Variants in CALN1 observed in about 807,000 individuals in gnomAD.
CALN1 encodes calcium-binding protein 8.
Under a neutral mutation model 30.6 loss-of-function variants are expected in CALN1, and 17 were observed. That is an observed-to-expected ratio of 0.56 (90% CI 0.38 to 0.83). The LOEUF is 0.83. Among genes scored for constraint, CALN1 ranks in the 40% least tolerant of loss-of-function variants. The probability of loss-of-function intolerance (pLI) is 0.00; values close to 1 mark genes in which losing one functional copy is unlikely to be tolerated. For synonymous variants in CALN1, 156 were observed against 131.4 expected, an observed-to-expected ratio of 1.19 and a Z score of -1.28; for missense variants, 291 against 354.9, an observed-to-expected ratio of 0.82 and a Z score of 1.45.
At chr7:72,198,492 C>T (rs1791193453) in intron 3 of CALN1, among the ~76,000 whole-genome samples, 1 of 152,184 alleles carries the variant, frequency 6.6e-6, no homozygotes, top group Non-Finnish European at 1.5e-5. Context: ...TTTGTCCTGA[C>T]ATCGAACTCT....
At chr7:72,236,519 C>T (rs1794483472) in intron 3 of CALN1, among the ~76,000 whole-genome samples, 1 of 152,194 alleles carries the variant, frequency 6.6e-6, no homozygotes, top group South Asian at 2.1e-4. Flanking sequence ...GAGATAGCAG[C>T]AAAGACCCAA....
intron 5 of CALN1, among the ~76,000 whole-genome samples, chr7:71,845,534 C>G (rs1790178894): frequency 6.6e-6 from 1 of 152,156 alleles, no homozygotes. Flanking sequence ...GCTGTTTGGC[C>G]TTATTGCAAG....
Position 72,341,729 on chromosome 7 carries a change from T to C in CALN1, c.119+61522A>G, listed in dbSNP as rs569280187. On this transcript the variant is annotated intron_variant, in intron 2 of 6. Transcript: ENST00000395275. Reference sequence around the variant, plus strand: ...AATCTCATTGCCCTCATCTATAAAATGGGGATAATCAGAGTGTCTATTCCA... The same window carrying C: ...AATCTCATTGCCCTCATCTATAAAACGGGGATAATCAGAGTGTCTATTCCA... Among the ~76,000 whole-genome samples the C allele has an allele frequency of 9.6e-4, 146 of 152,276 alleles. 1 individual carries two copies. Among genetic ancestry groups the C allele is most frequent in the African/African-American group, 3.4e-3 (141 of 41,556 alleles).
At chr7:72,306,651 GAA>G (rs1476518587) in intron 2 of CALN1, among the ~76,000 whole-genome samples, 3 of 150,310 alleles carry the variant, frequency 2.0e-5, no homozygotes, top group African/African-American at 7.3e-5. Context: ...AAAAAGAAAA[GAA>G]AAATAAAAAA....
At chr7:72,263,233 A>G (rs973380884) in intron 3 of CALN1, among the ~76,000 whole-genome samples, 2 of 152,230 alleles carry the variant, frequency 1.3e-5, no homozygotes, top group African/African-American at 4.8e-5. Context: ...TAGGAACAAT[A>G]ATAGGAATAG....
chr7:72,051,101 T>C (rs886792230), intron 4 of CALN1, among the ~76,000 whole-genome samples: 1 of 151,604 alleles, frequency 6.6e-6, no homozygotes, highest in Non-Finnish European at 1.5e-5. Context: ...AAGTTAGACT[T>C]AAAGGTAATA....
At chr7:72,098,019 G>A (rs1806367599) in intron 4 of CALN1, among the ~76,000 whole-genome samples, 1 of 152,150 alleles carries the variant, frequency 6.6e-6, no homozygotes, top group Admixed American at 6.6e-5. Flanking sequence ...CGGCCTTTAA[G>A]TGACTATTTT....
chr7:72,418,620 G>A (rs888885), intron 1 of CALN1, among the ~76,000 whole-genome samples: 51 of 151,688 alleles, frequency 3.4e-4, no homozygotes, highest in African/African-American at 1.1e-3. Flanking sequence ...TAGCTTCCCC[G>A]CCCCGGCTCA....
At chr7:72,402,677 AG>A (rs1282917854) in intron 2 of CALN1, among the ~76,000 whole-genome samples, 1 of 152,206 alleles carries the variant, frequency 6.6e-6, no homozygotes, top group East Asian at 1.9e-4. Flanking sequence ...GTGGCTTGGT[AG>A]CATAGAAAAC....
chr7:72,047,271 T>C (rs1022780791), intron 4 of CALN1, among the ~76,000 whole-genome samples: 1 of 152,080 alleles, frequency 6.6e-6, no homozygotes, highest in Non-Finnish European at 1.5e-5. Flanking sequence ...TGTCCACAAA[T>C]AGACATACGA....
At chr7:72,107,781 G>A (rs564483342) in intron 3 of CALN1, among the ~76,000 whole-genome samples, 10 of 152,144 alleles carry the variant, frequency 6.6e-5, no homozygotes, top group South Asian at 2.1e-4. Flanking sequence ...TTTCTATTCC[G>A]TGAGAAGCAC....
intron 2 of CALN1, among the ~76,000 whole-genome samples, chr7:72,291,421 C>G (rs547688360): frequency 1.3e-5 from 2 of 152,166 alleles, no homozygotes; most frequent in Non-Finnish European, 2.9e-5. Context: ...CACTGGAGTT[C>G]CAAGTTCACA....
At chr7:72,028,710 G>T (rs2129531362) in intron 4 of CALN1, among the ~76,000 whole-genome samples, 1 of 152,316 alleles carries the variant, frequency 6.6e-6, no homozygotes, top group South Asian at 2.1e-4. Flanking sequence ...AATGCATATT[G>T]GCCAGGCGCA....
intron 3 of CALN1, among the ~76,000 whole-genome samples, chr7:72,157,203 T>C (rs143216134): frequency 6.6e-6 from 1 of 152,334 alleles, no homozygotes; most frequent in East Asian, 1.9e-4. Flanking sequence ...ATTTGGCAAA[T>C]ATTTGTTGAA....
chr7:71,842,473 C>G (rs542616203), intron 5 of CALN1, among the ~76,000 whole-genome samples: 1 of 152,314 alleles, frequency 6.6e-6, no homozygotes, highest in African/African-American at 2.4e-5. Context: ...GCCCCTGTGG[C>G]TTAGCTGATT....
At chr7:71,826,086 C>T (rs1788900580) in intron 5 of CALN1, among the ~76,000 whole-genome samples, 1 of 108,160 alleles carries the variant, frequency 9.2e-6, no homozygotes. Flanking sequence ...AAACCCAAAA[C>T]AGTAGGTGCC....
chr7:72,385,051 A>G (rs1805131322), intron 2 of CALN1, among the ~76,000 whole-genome samples: 1 of 152,232 alleles, frequency 6.6e-6, no homozygotes, highest in African/African-American at 2.4e-5. Flanking sequence ...AAACATATGA[A>G]AAGATGCTCA....
At chr7:72,257,743 A>T (rs1462187465) in intron 3 of CALN1, among the ~76,000 whole-genome samples, 1 of 152,228 alleles carries the variant, frequency 6.6e-6, no homozygotes, top group Non-Finnish European at 1.5e-5. Flanking sequence ...GGATAAAGAA[A>T]ATGTAGTATA....
intron 4 of CALN1, among the ~76,000 whole-genome samples, chr7:72,080,138 A>G (rs1288571777): frequency 6.6e-6 from 1 of 152,122 alleles, no homozygotes; most frequent in Non-Finnish European, 1.5e-5. Context: ...TGCCACGTTT[A>G]CTGTAAACAT....
Sources: allele counts gnomAD v4.1 joint callset (sites outside exome capture counted in the v4.1 genomes callset), GRCh38; gene constraint gnomAD v4.1.1; transcripts MANE v1.5; gene names NCBI Gene and HGNC (gene_info 2026-07-23, HGNC 2026-07-21).